The following NUP42 variants were observed in gnomAD, a reference collection of about 807,000 sequenced individuals.
NUP42 encodes nucleoporin NUP42.
In NUP42, 47 loss-of-function variants were observed where a neutral mutation model predicts 35.9. The ratio of observed to expected loss-of-function variants is 1.31; its 90% CI spans 1.04 to 1.67. The LOEUF (loss-of-function observed/expected upper bound fraction) is 1.67, where lower values mean the gene tolerates loss of function less well. Ranked by LOEUF, NUP42 falls within the 40% of genes most tolerant of loss-of-function variation. NUP42 has a pLI of 0.00. For synonymous variants in NUP42, 173 were observed against 173.3 expected, an observed-to-expected ratio of 1.00 and a Z score of 0.01; for missense variants, 514 against 492.2, an observed-to-expected ratio of 1.04 and a Z score of -0.42.
chr7:23,185,023 A>G (rs187897688), intron 1 of NUP42, 47 bp from the exon 2 acceptor site: 12 of 1,481,538 alleles, frequency 8.1e-6, no homozygotes, highest in Middle Eastern at 4.1e-4. Flanking sequence ...AAGAAAATAG[A>G]AAGAAAAGTT....
chr7:23,197,170 C>A, intron 5 of NUP42: 1 of 1,290,458 alleles, frequency 7.7e-7, no homozygotes. Context: ...TTGTCTTAAA[C>A]AGAAATGCCT....
intron 3 of NUP42, among the ~76,000 whole-genome samples, chr7:23,193,231 A>C (rs562725610): frequency 1.3e-5 from 2 of 152,152 alleles, no homozygotes; most frequent in Admixed American, 6.5e-5. Flanking sequence ...CAGCAAAAGA[A>C]CGAAGCTTCC....
intron 5 of NUP42, among the ~76,000 whole-genome samples, chr7:23,198,775 T>G (rs1786105653): frequency 6.6e-6 from 1 of 152,194 alleles, no homozygotes; most frequent in South Asian, 2.1e-4. Context: ...AGACTGGGTA[T>G]TCTATAAAGG....
intron 3 of NUP42, chr7:23,187,959 G>A (rs1256192832): frequency 1.5e-5 from 9 of 619,752 alleles, no homozygotes; most frequent in Non-Finnish European, 1.3e-5. Flanking sequence ...TCTCTGGCCT[G>A]GAATAGCATT....
chr7:23,194,082 A>C (rs1378266420), intron 3 of NUP42, among the ~76,000 whole-genome samples: 1 of 152,164 alleles, frequency 6.6e-6, no homozygotes, highest in African/African-American at 2.4e-5. Context: ...GGCCCTGGGT[A>C]GCTCTGGTTG....
At chr7:23,188,132 CCTTGCAAATGGGAGCT>C in intron 3 of NUP42, 1 of 1,331,294 alleles carries the variant, frequency 7.5e-7, no homozygotes, top group Non-Finnish European at 9.7e-7. Flanking sequence ...ACAGTGGGTA[CCTTGCAAATGGGAGCT>C]CTTGCAATCA....
chr7:23,187,599 CTTTTTTTTTTTTT>C (rs11446033), intron 3 of NUP42, among the ~76,000 whole-genome samples: 13 of 84,834 alleles, frequency 1.5e-4, no homozygotes, highest in Middle Eastern at 9.3e-3. Flanking sequence ...GGGATAGCAA[CTTTTTTTTTTTTT>C]TTTTTTTTTT....
At chr7:23,183,162 CAAGATTTTTA>C (rs1284699492) in intron 1 of NUP42, among the ~76,000 whole-genome samples, 1 of 152,130 alleles carries the variant, frequency 6.6e-6, no homozygotes, top group Non-Finnish European at 1.5e-5. Flanking sequence ...TAGAACAACA[CAAGATTTTTA>C]AAGATCGGGT....
intron 3 of NUP42, among the ~76,000 whole-genome samples, chr7:23,193,606 C>G (rs924365890): frequency 6.6e-6 from 1 of 152,228 alleles, no homozygotes; most frequent in East Asian, 1.9e-4. Flanking sequence ...TATTTACAAT[C>G]CCCTAGCTAG....
chr7:23,199,640 G>A (rs879363741), intron 6 of NUP42, 98 bp downstream of exon 6: 20 of 1,015,326 alleles, frequency 2.0e-5, no homozygotes, highest in Admixed American at 8.9e-5. Context: ...AATTACCTTC[G>A]TAAATTCTAC....
At chr7:23,194,276 A>C (rs1170547748) in intron 3 of NUP42, 1 of 152,922 alleles carries the variant, frequency 6.5e-6, no homozygotes, top group Non-Finnish European at 1.5e-5. Context: ...GCTGCCAGCA[A>C]GCTGTCACCT....
chr7:23,197,357 TTCTAC>T, intron 5 of NUP42: 2 of 478,198 alleles, frequency 4.2e-6, no homozygotes, highest in Non-Finnish European at 7.3e-6. Context: ...CTCAGATGGT[TTCTAC>T]TCTGTATAAG....
Position 23,200,363 on chromosome 7 carries a change from CG to C in NUP42, c.892del (p.Ala298LeufsTer96), listed in dbSNP as rs752973301. On this transcript the variant is annotated frameshift_variant, in exon 7 of 7. Coordinates refer to ENST00000258742, the MANE Select transcript of NUP42 (RefSeq NM_007342.3). LOFTEE classifies it low-confidence loss of function (END_TRUNC). The stretch of plus-strand genomic sequence containing the variant: ...GGATTTGGGAAGCCTGAAGTCACAT[CG>C]GCTGCATCATTTTCATTCAAAAGCC... Reference protein sequence around the residue: ...AFGFGKPEVTSAASFSFKSPA... With the variant: ...AFGFGKPEVTXAASFSFKSPA... 3.5e-5 allele frequency: 57 copies of C among 1,613,204 alleles called. No homozygotes were observed. The highest frequency in any genetic ancestry group is 4.7e-5 in the Non-Finnish European group (55 of 1,179,618).
intron 3 of NUP42, among the ~76,000 whole-genome samples, chr7:23,188,902 C>G (rs1299843853): frequency 2.6e-5 from 4 of 152,204 alleles, no homozygotes; most frequent in African/African-American, 9.6e-5. Context: ...CAATAAATTA[C>G]TAGTAGATGT....
At chr7:23,184,313 C>T (rs973293590) in intron 1 of NUP42, among the ~76,000 whole-genome samples, 1 of 152,090 alleles carries the variant, frequency 6.6e-6, no homozygotes, top group Non-Finnish European at 1.5e-5. Flanking sequence ...CTTTCATATT[C>T]GAGAAACTTT....
rs565230786 is a variant in NUP42, at chr7:23,185,331, A to T, written c.350+33A>T. The T allele has an allele frequency of 7.7e-6, 11 of 1,437,612 alleles. No homozygotes were observed. In the South Asian group the frequency reaches 1.1e-4, roughly 14 times the overall value. 89.1% of individuals were successfully genotyped at this position (1,437,612 alleles called of 1,614,324 possible). On this transcript the variant is annotated intron_variant, in intron 2 of 6. Coordinates refer to ENST00000258742, the MANE Select transcript of NUP42 (RefSeq NM_007342.3). ...AAAGTTTTCAGGAAAATTACTATCC[A>T]TTTGCTTATGTTTTTTCACCTACAA...
At position 23,182,117 on chromosome 7, in the gene NUP42, G is replaced by C; in HGVS notation, c.32G>C (p.Arg11Pro). 1 of 1,614,172 alleles carries C rather than the reference G, an allele frequency of 6.2e-7. No homozygotes were observed. The highest frequency in any genetic ancestry group is 8.5e-7 in the Non-Finnish European group (1 of 1,180,034). Residue 11 changes from arginine (R) to proline (P), a missense_variant, in exon 1 of 7, where the codon CGG (arginine) becomes CCG (proline). Physicochemically the swap from Arg to Pro is moderately radical, Grantham distance 103 (BLOSUM62 -2). Transcript: ENST00000258742. MAICQFFLQGRCRFGDRCWNE... is the reference protein window; with the variant it reads MAICQFFLQGPCRFGDRCWNE... ...ATTTGTCAATTCTTCCTTCAAGGCC[G>C]GTGCCGCTTTGGAGATCGGTGCTGG...
chr7:23,183,946 C>T (rs1331748289), intron 1 of NUP42, among the ~76,000 whole-genome samples: 1 of 146,896 alleles, frequency 6.8e-6, no homozygotes, highest in Non-Finnish European at 1.5e-5. Context: ...CACAACTGGG[C>T]ATGTGTGTCA....
In NUP42 at chr7:23,188,283, T is replaced by A; in HGVS notation, c.445+1137T>A. 3 of 1,218,470 alleles carry A rather than the reference T, an allele frequency of 2.5e-6. No individual in the cohort carries two copies. The East Asian group carries it at 1.0e-4, about 41-fold the overall frequency. 75.5% of individuals were successfully genotyped at this position (1,218,470 alleles called of 1,614,324 possible). ...TTTAACAAATATTTACTGAATTTCT[T>A]TTGTGCTAAGTGCTAGGAATATAGT... On this transcript the variant is annotated intron_variant, in intron 3 of 6. Transcript: ENST00000258742.
Sources: gnomAD v4.1 joint callset for allele counts (sites outside exome capture counted in the v4.1 genomes callset) on GRCh38, gnomAD v4.1.1 for gene constraint, MANE v1.5 for transcripts, NCBI Gene and HGNC (gene_info 2026-07-23, HGNC 2026-07-21) for gene names.